Variants in TENT4B observed in about 807,000 individuals in gnomAD.
TENT4B encodes terminal nucleotidyltransferase 4B, also known as PAP associated domain containing 5.
Under a neutral mutation model 75.0 loss-of-function variants are expected in TENT4B, and 10 were observed. The observed-to-expected ratio is 0.13, with a 90% CI of 0.08 to 0.23. The LOEUF is 0.23. Ranked by LOEUF, TENT4B falls within the 10% of genes least tolerant of loss-of-function variation. The pLI is 1.00. For missense variants in TENT4B, 579 were observed against 893.8 expected, an observed-to-expected ratio of 0.65 and a Z score of 4.49; for synonymous variants, 350 against 357.7, an observed-to-expected ratio of 0.98 and a Z score of 0.24.
rs541601726 is a variant in TENT4B at position 50,189,807 on chromosome 16, G to A, written c.639-21516G>A. ...AGCTCACGTAATCCCAGCACTTTGG[G>A]AGGCCGAGGCAGGCAGATCACTTGA... On this transcript the variant is annotated intron_variant, in intron 1 of 11. Coordinates refer to ENST00000561678, the MANE Select transcript of TENT4B (RefSeq NM_001365324.3). Among the ~76,000 whole-genome samples the A allele has an allele frequency of 8.6e-5, 13 of 152,022 alleles. No individual in the cohort carries two copies. In the East Asian group the frequency reaches 2.5e-3, roughly 29 times the overall value.
chr16:50,225,053 G>A (rs1446044356), intron 9 of TENT4B, 45 bp from the exon 10 acceptor site: 4 of 1,607,606 alleles, frequency 2.5e-6, no homozygotes, highest in African/African-American at 2.7e-5. Flanking sequence ...TGTTGTGTGC[G>A]TTTAATGGGA....
In TENT4B at chr16:50,216,156, C is replaced by A. The variant is rs750421152; in HGVS notation, c.891C>A (p.Val297=). Residue 297 remains valine, a synonymous_variant, in exon 4 of 12, where the codon GTC becomes GTA. Coordinates refer to ENST00000561678, the MANE Select transcript of TENT4B (RefSeq NM_001365324.3). Reference sequence around the variant, plus strand: ...AAGAAGCTCTTCGGAAACACAAAGTCGCAGATGAGGATTCGGTGAAAGTTT... The same window carrying A: ...AAGAAGCTCTTCGGAAACACAAAGTAGCAGATGAGGATTCGGTGAAAGTTT... ...TLEEALRKHK[V]ADEDSVKVLD... 3 of 1,613,796 alleles carry A rather than the reference C, an allele frequency of 1.9e-6. No individual in the cohort carries two copies. The highest frequency in any genetic ancestry group is 2.5e-6 in the Non-Finnish European group (3 of 1,179,860).
At chr16:50,193,396 G>C (rs915859348) in intron 1 of TENT4B, among the ~76,000 whole-genome samples, 4 of 144,928 alleles carry the variant, frequency 2.8e-5, no homozygotes, top group Non-Finnish European at 6.0e-5. Flanking sequence ...GGAGTGCAGT[G>C]GCACGATCTC....
Position 50,231,961 on chromosome 16 carries a change from A to G in TENT4B, c.*2633A>G. On this transcript the variant is annotated 3_prime_UTR_variant, in exon 12 of 12. Transcript: ENST00000561678. ...GTCATTTATATATTAGAGTCCATTC[A>G]TATCCATGAATCATAACCTTCCTTT... 1.0e-6 allele frequency: 1 copy of G among 982,770 alleles called. No individual in the cohort carries two copies. The highest frequency in any genetic ancestry group is 1.2e-6 in the Non-Finnish European group (1 of 827,532). 60.9% of individuals were successfully genotyped at this position (982,770 alleles called of 1,614,324 possible).
At chr16:50,224,378 G>C (rs1200436455) in intron 7 of TENT4B, among the ~76,000 whole-genome samples, 1 of 152,154 alleles carries the variant, frequency 6.6e-6, no homozygotes, top group Non-Finnish European at 1.5e-5. Flanking sequence ...AGTGAACAGG[G>C]CACTATTTCT....
chr16:50,208,570 A>G (rs1244260840), intron 1 of TENT4B, among the ~76,000 whole-genome samples: 2 of 152,178 alleles, frequency 1.3e-5, no homozygotes, highest in African/African-American at 4.8e-5. Context: ...TGCCTGTGGC[A>G]GAATAGTACA....
chr16:50,196,210 A>G (rs2030229927), intron 1 of TENT4B, among the ~76,000 whole-genome samples: 1 of 152,208 alleles, frequency 6.6e-6, no homozygotes, highest in Admixed American at 6.5e-5. Flanking sequence ...AATATCTGAA[A>G]TGTTTTCAGT....
At position 50,233,781 on chromosome 16, in the gene TENT4B, A is replaced by C. The variant is rs1779263762; in HGVS notation, c.*4453A>C. 2.0e-6 allele frequency: 2 copies of C among 985,290 alleles called. No individual in the cohort carries two copies. Among genetic ancestry groups the C allele is most frequent in the African/African-American group, 3.5e-5 (2 of 57,242 alleles). 61.0% of individuals were successfully genotyped at this position (985,290 alleles called of 1,614,324 possible). A position where few individuals can be genotyped will look rare whatever the true frequency, so the allele number is the denominator to read the frequency against. Reference sequence around the variant, plus strand: ...GTCTGTAGCCTAGTAGCCTGAAAGAAAAGGAGACAGAACCAGAGAGATGGA... The same window carrying C: ...GTCTGTAGCCTAGTAGCCTGAAAGACAAGGAGACAGAACCAGAGAGATGGA... On this transcript the variant is annotated 3_prime_UTR_variant, in exon 12 of 12. Transcript: ENST00000561678.
rs1181726037 is a variant in TENT4B, at chr16:50,231,470, GT to G, written c.*2145del. On this transcript the variant is annotated 3_prime_UTR_variant, in exon 12 of 12. Coordinates refer to ENST00000561678, the MANE Select transcript of TENT4B (RefSeq NM_001365324.3). ...ACTGAAGTTTTTTTTGTTGTTTTTT[GT>G]TTGTTTTTAAAGAATCACCCTCATT... The G allele has an allele frequency of 1.0e-6, 1 of 985,448 alleles. No individual in the cohort carries two copies. Among genetic ancestry groups the G allele is most frequent in the Non-Finnish European group, 1.2e-6 (1 of 829,810 alleles). 61.0% of individuals were successfully genotyped at this position (985,448 alleles called of 1,614,324 possible). A position where few individuals can be genotyped will look rare whatever the true frequency, so the allele number is the denominator to read the frequency against.
At chr16:50,224,270 A>C (rs2031950227) in intron 7 of TENT4B, among the ~76,000 whole-genome samples, 2 of 152,182 alleles carry the variant, frequency 1.3e-5, no homozygotes, top group African/African-American at 2.4e-5. Flanking sequence ...CTTGCTTTTT[A>C]GGGGCTCATA....
In TENT4B at chr16:50,230,101, TGATG is replaced by T. The variant is rs556409009; in HGVS notation, c.*774_*777del. The T allele has an allele frequency of 5.2e-5, 51 of 984,430 alleles. No individual in the cohort carries two copies. The South Asian group carries it at 2.1e-3, about 41-fold the overall frequency. The allele number at this position is 984,430 out of a possible 1,614,324, so 61.0% of individuals were successfully genotyped here. On this transcript the variant is annotated 3_prime_UTR_variant, in exon 12 of 12. Coordinates refer to ENST00000561678, the MANE Select transcript of TENT4B (RefSeq NM_001365324.3). ...TAAAGAAAAGGTTTATGGTGGCAAA[TGATG>T]TTTATTTTATTTTGTAAAAAAAAAA...
At chr16:50,154,350 G>T in intron 1 of TENT4B, 91 bp downstream of exon 1, 1 of 1,356,186 alleles carries the variant, frequency 7.4e-7, no homozygotes, top group Non-Finnish European at 9.4e-7. Flanking sequence ...GGGTCTAGGA[G>T]CGGCCACCCC....
intron 6 of TENT4B, 54 bp from the exon 7 acceptor site, chr16:50,223,120 T>C: frequency 7.3e-7 from 1 of 1,374,066 alleles, no homozygotes; most frequent in South Asian, 1.3e-5. Context: ...TTATTCCCCC[T>C]CTCCTTGATA....
chr16:50,215,218 TTA>T (rs1253499879), intron 3 of TENT4B, among the ~76,000 whole-genome samples: 1 of 152,186 alleles, frequency 6.6e-6, no homozygotes, highest in Non-Finnish European at 1.5e-5. Context: ...ATGGTTATTA[TTA>T]TTATTACCTT....
intron 1 of TENT4B, among the ~76,000 whole-genome samples, chr16:50,200,251 A>C (rs905870311): frequency 6.6e-6 from 1 of 151,896 alleles, no homozygotes; most frequent in Admixed American, 6.6e-5. Context: ...CTATAGTCCT[A>C]ACTGCTTGGG....
At chr16:50,192,696 A>G (rs752763237) in intron 1 of TENT4B, among the ~76,000 whole-genome samples, 13 of 152,236 alleles carry the variant, frequency 8.5e-5, no homozygotes, top group Non-Finnish European at 1.3e-4. Context: ...GTACATGACT[A>G]TTCTAATAAA....
In TENT4B at chr16:50,153,646, C is replaced by G; in HGVS notation, c.25C>G (p.Gln9Glu). ...GATGGATCCGAGGATCGCCTGGTTT[C>G]AGCCAGAGCAGCTCGGACCGTCCAA... MDPRIAWFQPEQLGPSNSL... is the reference protein window; with the variant it reads MDPRIAWFEPEQLGPSNSL... Residue 9 changes from glutamine to glutamate, a missense_variant, in exon 1 of 12, where the codon CAG (glutamine) becomes GAG (glutamate). This residue lies in a region of TENT4B where 253 missense variants were observed against 270.1 expected (regional missense o/e 0.94). Coordinates refer to ENST00000561678, the MANE Select transcript of TENT4B (RefSeq NM_001365324.3). 3.0e-6 allele frequency: 3 copies of G among 1,009,012 alleles called. No homozygotes were observed. Among genetic ancestry groups the G allele is most frequent in the Non-Finnish European group, 3.5e-6 (3 of 846,402 alleles). 62.5% of individuals were successfully genotyped at this position (1,009,012 alleles called of 1,614,324 possible).
At chr16:50,178,176 G>T (rs1432865243) in intron 1 of TENT4B, among the ~76,000 whole-genome samples, 1 of 147,408 alleles carries the variant, frequency 6.8e-6, no homozygotes, top group African/African-American at 2.5e-5. Context: ...AGAAAAGCTG[G>T]CCAGGTGCAG....
chr16:50,227,023 A>G (rs765679153), intron 10 of TENT4B, among the ~76,000 whole-genome samples: 8 of 152,204 alleles, frequency 5.3e-5, no homozygotes, highest in Admixed American at 6.5e-5. Flanking sequence ...ATCAAAGTGA[A>G]TTTGTAGTGT....
Sources: allele counts gnomAD v4.1 joint callset (sites outside exome capture counted in the v4.1 genomes callset), GRCh38; gene constraint gnomAD v4.1.1; regional missense constraint gnomAD v4.1.1; transcripts MANE v1.5; gene names NCBI Gene and HGNC (gene_info 2026-07-23, HGNC 2026-07-21).